The following INTS4 variants were observed in gnomAD, a reference collection of about 807,000 sequenced individuals.
INTS4 encodes integrator complex subunit 4, also known as MSTP093.
Under a neutral mutation model 119.5 loss-of-function variants are expected in INTS4, and 70 were observed. That is an observed-to-expected ratio of 0.59 (90% CI 0.48 to 0.71). The LOEUF (loss-of-function observed/expected upper bound fraction) is 0.71, where lower values mean the gene tolerates loss of function less well. Ranked by LOEUF, INTS4 falls within the 30% of genes least tolerant of loss-of-function variation. INTS4 has a pLI of 0.00. For synonymous variants in INTS4, 316 were observed against 419.6 expected (o/e 0.75, Z 3.02); for missense variants, 867 against 1,173.2 (o/e 0.74, Z 3.81).
In INTS4 at chr11:77,928,690, T is replaced by C. The variant is rs1180658644; in HGVS notation, c.1166-143A>G. 17 of 1,346,288 alleles carry C rather than the reference T, an allele frequency of 1.3e-5. No homozygotes were observed. The Admixed American group carries it at 3.9e-4, about 31-fold the overall frequency. 83.4% of individuals were successfully genotyped at this position (1,346,288 alleles called of 1,614,324 possible). ...GGTAAAACTCTGTTTCTACCAAAAA[T>C]ATTAAAAAATTAGCTGGGTGTGGTA... On this transcript the variant is annotated intron_variant, in intron 10 of 22. Transcript: ENST00000534064.
At chr11:77,935,386 T>C (rs550695815) in intron 10 of INTS4, among the ~76,000 whole-genome samples, 4 of 152,300 alleles carry the variant, frequency 2.6e-5, no homozygotes, top group African/African-American at 4.8e-5. Context: ...GGAAGTCCAA[T>C]GTGGCTAGAG....
At chr11:77,963,171 C>T (rs1047824542) in intron 4 of INTS4, among the ~76,000 whole-genome samples, 4 of 151,936 alleles carry the variant, frequency 2.6e-5, no homozygotes, top group African/African-American at 9.7e-5. Context: ...GTCAACCAGG[C>T]AACAATAATG....
At chr11:77,883,521 G>GT in intron 22 of INTS4, among the ~76,000 whole-genome samples, 5 of 152,302 alleles carry the variant, frequency 3.3e-5, no homozygotes, top group Admixed American at 3.3e-4. Flanking sequence ...CAAGTCGGTG[G>GT]CAGTTAGGAT....
chr11:77,956,058 C>A lies in INTS4; in HGVS notation c.802G>T (p.Val268Phe), dbSNP rs780733344. Residue 268 changes from valine to phenylalanine, a missense_variant, in exon 8 of 23, where the codon GTC becomes TTC. By Grantham distance (50) the Val-to-Phe change is conservative (BLOSUM62 -1). Coordinates refer to ENST00000534064, the MANE Select transcript of INTS4 (RefSeq NM_033547.4). ...TCTTCATTAGAAGAAGGAATTGGGA[C>A]AATGCTAAATTAAAAGAAAAGAAAT... is the stretch of plus-strand genomic sequence containing the variant. ...VVSQLYPESI[V>F]PIPSSNEEIR... 6.0e-5 allele frequency: 96 copies of A among 1,594,474 alleles called. No individual in the cohort carries two copies. Among genetic ancestry groups the A allele is most frequent in the Non-Finnish European group, 7.3e-5 (86 of 1,174,926 alleles).
chr11:77,912,377 A>AG (rs1953109201), intron 15 of INTS4, among the ~76,000 whole-genome samples: 1 of 151,850 alleles, frequency 6.6e-6, no homozygotes, highest in African/African-American at 2.4e-5. Context: ...AAAAAAAAAA[A>AG]CAGCTGGATA....
intron 19 of INTS4, among the ~76,000 whole-genome samples, chr11:77,893,891 T>TTAAATAAA (rs56269909): frequency 0.58 from 80,245 of 137,670 alleles, 23,735 homozygotes; most frequent in East Asian, 0.77. Flanking sequence ...AGACTCTGTC[T>TTAAATAAA]TAAATAAATA....
At chr11:77,911,797 T>C (rs779185465) in intron 15 of INTS4, among the ~76,000 whole-genome samples, 2 of 152,240 alleles carry the variant, frequency 1.3e-5, no homozygotes, top group Non-Finnish European at 2.9e-5. Flanking sequence ...CTGTGCTGGC[T>C]GTTTCCTTAC....
chr11:77,896,908 G>A (rs1006347586), intron 18 of INTS4, among the ~76,000 whole-genome samples: 1 of 151,302 alleles, frequency 6.6e-6, no homozygotes, highest in Admixed American at 6.6e-5. Flanking sequence ...ACATATCCTG[G>A]TGAAATTAAA....
At chr11:77,949,411 T>G (rs1307651652) in intron 8 of INTS4, among the ~76,000 whole-genome samples, 1 of 150,926 alleles carries the variant, frequency 6.6e-6, no homozygotes, top group Non-Finnish European at 1.5e-5. Flanking sequence ...CAAAAGAAAC[T>G]ATCATCAGAG....
At chr11:77,886,878 T>A (rs1952038091) in intron 21 of INTS4, among the ~76,000 whole-genome samples, 2 of 152,074 alleles carry the variant, frequency 1.3e-5, no homozygotes, top group Non-Finnish European at 2.9e-5. Flanking sequence ...AAGGCAGACA[T>A]AAAGATATTC....
chr11:77,910,978 C>G (rs1565238802), intron 15 of INTS4: 1 of 1,288,258 alleles, frequency 7.8e-7, no homozygotes, highest in Non-Finnish European at 1.0e-6. Flanking sequence ...ACCTTAAGGT[C>G]TGAGTCACTT....
At chr11:77,966,790 A>C (rs1855520132) in intron 4 of INTS4, among the ~76,000 whole-genome samples, 1 of 152,156 alleles carries the variant, frequency 6.6e-6, no homozygotes, top group Admixed American at 6.6e-5. Context: ...CAAACTTTAA[A>C]GATTTTTTTT....
intron 4 of INTS4, 38 bp downstream of exon 4, chr11:77,978,958 C>T (rs750231809): frequency 1.3e-5 from 16 of 1,279,180 alleles, no homozygotes; most frequent in Admixed American, 6.8e-5. Flanking sequence ...CCTCAGTTAC[C>T]AGTTTAGGAT....
At chr11:77,957,644 A>C (rs1954362307) in intron 7 of INTS4, among the ~76,000 whole-genome samples, 1 of 111,568 alleles carries the variant, frequency 9.0e-6, no homozygotes, top group Non-Finnish European at 1.9e-5. Context: ...TAAGTTTATT[A>C]TCTTCTGTAA....
chr11:77,979,089 G>T lies in INTS4; in HGVS notation c.378C>A (p.Val126=). The T allele has an allele frequency of 6.2e-7, 1 of 1,603,084 alleles. No individual in the cohort carries two copies. The highest frequency in any genetic ancestry group is 8.5e-7 in the Non-Finnish European group (1 of 1,170,356). The change falls in exon 4 of 23, where the codon GTC becomes GTA. Residue 126 remains valine, a synonymous_variant. Coordinates refer to ENST00000534064, the MANE Select transcript of INTS4 (RefSeq NM_033547.4). ...NILQNEKSHQ[V]LAQLLDTLLA... ...GCAAAGTATCCAGCAGTTGAGCTAG[G>T]ACTTGATGAGACTCTAGAGAGGGAG...
downstream of INTS4, among the ~76,000 whole-genome samples, chr11:77,878,178 T>C (rs12793631): frequency 0.23 from 35,346 of 151,612 alleles, 5,146 homozygotes; most frequent in East Asian, 0.4. Context: ...CTGGCTAACA[T>C]GGTGAAACCC....
Position 77,955,981 on chromosome 11 carries a change from A to T in INTS4, c.879T>A (p.Asp293Glu). ...AFGKICHMVS[D>E]GSWVVRVQAA... ...CCTGAACACGAACCACCCAAGAGCC[A>T]TCACTGACCATGTGACAAATTTTGC... is the stretch of plus-strand genomic sequence containing the variant. Residue 293 changes from aspartate to glutamate, a missense_variant, in exon 8 of 23, where the codon GAT becomes GAA. Asp to Glu is a conservative substitution (Grantham distance 45, BLOSUM62 2). Around this residue, in one of 5 missense-constraint regions of INTS4, gnomAD observed 208 missense variants for 306.6 expected, o/e 0.68. Transcript: ENST00000534064. 6.2e-7 allele frequency: 1 copy of T among 1,611,548 alleles called. No individual in the cohort carries two copies. The highest frequency in any genetic ancestry group is 2.2e-5 in the East Asian group (1 of 44,892).
At chr11:77,947,818 G>C (rs1370044570) in intron 8 of INTS4, among the ~76,000 whole-genome samples, 1 of 152,124 alleles carries the variant, frequency 6.6e-6, no homozygotes, top group African/African-American at 2.4e-5. Context: ...GTTGCTATCA[G>C]CTTAAAACAT....
In INTS4 at chr11:77,929,237, G is replaced by A. The variant is rs190024053; in HGVS notation, c.1166-690C>T. On this transcript the variant is annotated intron_variant, in intron 10 of 22. Transcript: ENST00000534064. ...ATTAAGAGCCATGGGATAAGTCCAA[G>A]ATGGATTCCTTCTCCTTCAGGCTGT... Among the ~76,000 whole-genome samples the A allele has an allele frequency of 1.2e-4, 18 of 152,162 alleles. No homozygotes were observed. The East Asian group carries it at 3.5e-3, about 29-fold the overall frequency.
Sources: allele counts gnomAD v4.1 joint callset (sites outside exome capture counted in the v4.1 genomes callset), GRCh38; gene constraint gnomAD v4.1.1; regional missense constraint gnomAD v4.1.1; transcripts MANE v1.5; gene names NCBI Gene and HGNC (gene_info 2026-07-23, HGNC 2026-07-21).